The following CCNY variants were observed in gnomAD, a reference collection of about 807,000 sequenced individuals.
The protein encoded by CCNY is cyclin Y, also known as cyclin-Y.
Under a neutral mutation model 42.8 loss-of-function variants are expected in CCNY, and 19 were observed. The observed-to-expected ratio is 0.44, with a 90% CI of 0.31 to 0.65. CCNY has a LOEUF of 0.65. Among genes scored for constraint, CCNY ranks in the 30% least tolerant of loss-of-function variants. The probability of loss-of-function intolerance (pLI) is 0.07; values close to 1 mark genes in which losing one functional copy is unlikely to be tolerated. For synonymous variants in CCNY, 165 were observed against 162.7 expected, an observed-to-expected ratio of 1.01 and a Z score of -0.11; for missense variants, 370 against 437.3, an observed-to-expected ratio of 0.85 and a Z score of 1.37.
rs571799067 is a variant in CCNY, at chr10:35,347,511, C to A, written c.154+10304C>A. 131 of 758,200 alleles carry A rather than the reference C, an allele frequency of 1.7e-4. 1 individual carries two copies. The highest frequency in any genetic ancestry group is 2.0e-4 in the Non-Finnish European group (123 of 624,078). The allele number at this position is 758,200 out of a possible 1,614,324, so 47.0% of individuals were successfully genotyped here. A position where few individuals can be genotyped will look rare whatever the true frequency, so the allele number is the denominator to read the frequency against. On this transcript the variant is annotated intron_variant, in intron 1 of 9. Transcript: ENST00000374704. The stretch of plus-strand genomic sequence containing the variant: ...TTCAAAACTGTGAGTGCAGTGCTTA[C>A]AACATTTTATAAGCAAGTTCTTTAT...
chr10:35,290,425 A>C (rs1270643881), intron 3 of CCNY, among the ~76,000 whole-genome samples: 1 of 152,162 alleles, frequency 6.6e-6, no homozygotes, highest in Non-Finnish European at 1.5e-5. Flanking sequence ...TAAAAAAAAA[A>C]AAATCATAAA....
intron 1 of CCNY, among the ~76,000 whole-genome samples, chr10:35,354,378 G>T (rs1017083886): frequency 2.0e-5 from 3 of 151,958 alleles, no homozygotes; most frequent in Middle Eastern, 3.2e-3. Flanking sequence ...TAGAGACGGG[G>T]TTTCACAAAT....
At chr10:35,293,494 G>A (rs1166170415) in intron 3 of CCNY, among the ~76,000 whole-genome samples, 1 of 152,124 alleles carries the variant, frequency 6.6e-6, no homozygotes, top group African/African-American at 2.4e-5. Flanking sequence ...GCCAGTTTCT[G>A]CAAAGAAGTT....
chr10:35,399,614 G>C (rs998877977), intron 1 of CCNY, among the ~76,000 whole-genome samples: 1 of 152,224 alleles, frequency 6.6e-6, no homozygotes, highest in Non-Finnish European at 1.5e-5. Context: ...GGCCAAGGTA[G>C]GGGGTTTGCT....
chr10:35,379,237 G>T (rs1415608453), intron 1 of CCNY, among the ~76,000 whole-genome samples: 1 of 152,186 alleles, frequency 6.6e-6, no homozygotes, highest in African/African-American at 2.4e-5. Flanking sequence ...AAAGGAGACT[G>T]GCTTGGCTTT....
At chr10:35,315,264 A>C (rs952154156) in intron 3 of CCNY, 1 of 151,628 alleles carries the variant, frequency 6.6e-6, no homozygotes, top group Non-Finnish European at 1.5e-5. Flanking sequence ...CCTTCCTCTT[A>C]CCCTCCTCCC....
chr10:35,550,195 AC>A (rs996912881), intron 7 of CCNY, among the ~76,000 whole-genome samples: 4 of 141,176 alleles, frequency 2.8e-5, no homozygotes, highest in African/African-American at 1.1e-4. Flanking sequence ...ATGACACATG[AC>A]CCTACAGTGC....
intron 1 of CCNY, among the ~76,000 whole-genome samples, chr10:35,416,160 C>CGTGTGTGTGTGTGTGTGTGTGTGTGTGT (rs57188309): frequency 1.5e-4 from 22 of 144,592 alleles, no homozygotes; most frequent in African/African-American, 5.4e-4. Context: ...TTGTGGCACC[C>CGTGTGTGTGTGTGTGTGTGTGTGTGTGT]GTGTGTGTGT....
intron 2 of CCNY, among the ~76,000 whole-genome samples, chr10:35,484,218 C>T (rs534522355): frequency 2.0e-5 from 3 of 152,174 alleles, no homozygotes; most frequent in Non-Finnish European, 1.5e-5. Context: ...TGCTGGAGTC[C>T]TACATGATTC....
At chr10:35,424,845 A>T (rs1176083723) in intron 1 of CCNY, among the ~76,000 whole-genome samples, 1 of 152,202 alleles carries the variant, frequency 6.6e-6, no homozygotes, top group Admixed American at 6.5e-5. Context: ...GTTGCCAAGA[A>T]CCTGTTTGTG....
intron 4 of CCNY, among the ~76,000 whole-genome samples, chr10:35,521,375 T>A (rs1041695252): frequency 6.6e-6 from 1 of 152,198 alleles, no homozygotes; most frequent in African/African-American, 2.4e-5. Flanking sequence ...TCAGAGTGCC[T>A]TGACCGCTCT....
intron 8 of CCNY, among the ~76,000 whole-genome samples, chr10:35,564,378 C>T (rs892735180): frequency 2.6e-5 from 4 of 152,134 alleles, no homozygotes; most frequent in Non-Finnish European, 4.4e-5. Context: ...CATGTCTCCC[C>T]AGAGCCACTG....
chr10:35,253,898 C>T (rs1292433252), intron 3 of CCNY, among the ~76,000 whole-genome samples: 5 of 133,456 alleles, frequency 3.7e-5, no homozygotes, highest in African/African-American at 8.4e-5. Flanking sequence ...TTTTTTGAGA[C>T]GGAGTCTCAC....
intron 3 of CCNY, among the ~76,000 whole-genome samples, chr10:35,308,529 G>A (rs1203294643): frequency 3.9e-5 from 6 of 152,124 alleles, no homozygotes; most frequent in South Asian, 2.1e-4. Flanking sequence ...TCCAGCCTGC[G>A]TGACAGAGTG....
At chr10:35,399,280 A>T (rs1352405707) in intron 1 of CCNY, among the ~76,000 whole-genome samples, 2 of 114,632 alleles carry the variant, frequency 1.7e-5, no homozygotes, top group African/African-American at 6.5e-5. Flanking sequence ...GAGGCTGTGG[A>T]CTGCATGTCT....
At chr10:35,448,027 C>T (rs144504417) in intron 1 of CCNY, among the ~76,000 whole-genome samples, 58 of 152,300 alleles carry the variant, frequency 3.8e-4, no homozygotes, top group African/African-American at 1.3e-3. Context: ...CTCCTTGGCT[C>T]AGCTGGCACC....
chr10:35,496,322 A>G (rs983873724), intron 2 of CCNY, among the ~76,000 whole-genome samples: 1 of 152,196 alleles, frequency 6.6e-6, no homozygotes, highest in Admixed American at 6.5e-5. Flanking sequence ...CACACCAGTG[A>G]TGTTCTTGTT....
rs567961327 is a variant in CCNY at position 35,510,259 on chromosome 10, G to A, written c.265-6264G>A. ...AGACAAGGTTTCACTCTGTCACTCA[G>A]GGTGGAGTGTAGTGGCACAATCATG... On this transcript the variant is annotated intron_variant, in intron 3 of 9. Transcript: ENST00000374704. 1.5e-4 allele frequency among the ~76,000 whole-genome samples: 23 copies of A among 152,210 alleles called. No homozygotes were observed. The South Asian group carries it at 4.8e-3, about 32-fold the overall frequency.
intron 1 of CCNY, among the ~76,000 whole-genome samples, chr10:35,353,752 A>G (rs1836479758): frequency 6.6e-6 from 1 of 152,196 alleles, no homozygotes; most frequent in Admixed American, 6.5e-5. Flanking sequence ...ACCTATCTTA[A>G]TGTTTTTCTT....
Sources: gnomAD v4.1 joint callset for allele counts (sites outside exome capture counted in the v4.1 genomes callset) on GRCh38, gnomAD v4.1.1 for gene constraint, MANE v1.5 for transcripts, NCBI Gene and HGNC (gene_info 2026-07-23, HGNC 2026-07-21) for gene names.